Variants in TYMP observed in about 807,000 individuals in gnomAD.
The protein encoded by TYMP is gliostatin.
In TYMP, 46 loss-of-function variants were observed where a neutral mutation model predicts 42.3. The ratio of observed to expected loss-of-function variants is 1.09; its 90% CI spans 0.86 to 1.39. The LOEUF (loss-of-function observed/expected upper bound fraction) is 1.39. TYMP is among the 40% of genes most tolerant of loss of function. The probability of loss-of-function intolerance (pLI) is 0.00; values close to 1 mark genes in which losing one functional copy is unlikely to be tolerated. For synonymous variants in TYMP, 363 were observed against 308.0 expected (o/e 1.18, Z -1.87); for missense variants, 837 against 677.6 (o/e 1.24, Z -2.61).
At chr22:50,528,416 T>C in intron 4 of TYMP, 96 bp downstream of exon 4, 2 of 1,071,764 alleles carry the variant, frequency 1.9e-6, no homozygotes, top group Non-Finnish European at 2.8e-6. Flanking sequence ...GTGTTCTCAT[T>C]AGTGACCCTA....
At chr22:50,526,835 GC>G in intron 6 of TYMP, 97 bp from the exon 7 acceptor site, 4 of 1,307,242 alleles carry the variant, frequency 3.1e-6, no homozygotes, top group South Asian at 1.4e-5. Flanking sequence ...TGGGTTGCCA[GC>G]CCCCCAGCAT....
In TYMP at chr22:50,526,280, G is replaced by A; in HGVS notation, c.1125C>T (p.Ala375=). The A allele has an allele frequency of 1.3e-6, 2 of 1,546,490 alleles. No individual in the cohort carries two copies. The highest frequency in any genetic ancestry group is 1.7e-6 in the Non-Finnish European group (2 of 1,156,776). The part of the protein sequence containing the change: ...PAERRQLLPR[A]REQEELLAPA... ...GCGCCAGCAGCTCCTCCTGCTCCCG[G>A]GCGCGAGGCAGCAGCTGCCGGCGTT... The change falls in exon 8 of 10, where the codon GCC becomes GCT. Residue 375 remains alanine (A), a synonymous_variant. Transcript: ENST00000252029.
rs755728248 is a variant in TYMP, at chr22:50,527,200, TG to T, written c.729del (p.Asn244ThrfsTer19). Reference sequence around the variant, plus strand: ...GCCAGCTCCCGGGCCTGCTCCTGGTTGGGGAAGACGGCGGCCCCTCCGAACT... The same window carrying T: ...GCCAGCTCCCGGGCCTGCTCCTGGTTGGGAAGACGGCGGCCCCTCCGAACT... ...DVKFGGAAVF[P>X]NQEQARELAK... On this transcript the variant is annotated frameshift_variant, in exon 6 of 10. Coordinates refer to ENST00000252029, the MANE Select transcript of TYMP (RefSeq NM_001953.5). LOFTEE classifies it high-confidence loss of function. 2.5e-6 allele frequency: 4 copies of T among 1,613,426 alleles called. No individual in the cohort carries two copies. In the Admixed American group the frequency reaches 6.7e-5, roughly 27 times the overall value.
At position 50,526,510 on chromosome 22, in the gene TYMP, G is replaced by T. The variant is rs1210318334; in HGVS notation, c.929-34C>A. ...GGGGACGGGTCTTAGGCGCGGCCGG[G>T]TCGGGGCGGCCCCAGCGGGAAGCAC... On this transcript the variant is annotated intron_variant, in intron 7 of 9. Coordinates refer to ENST00000252029, the MANE Select transcript of TYMP (RefSeq NM_001953.5). 6 of 1,528,242 alleles carry T rather than the reference G, an allele frequency of 3.9e-6. No homozygotes were observed. In the African/African-American group the frequency reaches 7.0e-5, roughly 18 times the overall value. The allele number at this position is 1,528,242 out of a possible 1,614,324, so 94.7% of individuals were successfully genotyped here.
At position 50,529,122 on chromosome 22, in the gene TYMP, A is replaced by T. The variant is rs758269488; in HGVS notation, c.417+14T>A. 2.5e-6 allele frequency: 4 copies of T among 1,612,728 alleles called. 1 individual carries two copies. In the South Asian group the frequency reaches 4.4e-5, roughly 18 times the overall value. ...CGGTATAGGCTCCCGTCTGGAAAGG[A>T]GGTGGTTTCTAACCTTGCAGCCACA... On this transcript the variant is annotated intron_variant, in intron 3 of 9. Coordinates refer to ENST00000252029, the MANE Select transcript of TYMP (RefSeq NM_001953.5).
chr22:50,527,761 T>G (rs1463721887), intron 4 of TYMP, 44 bp from the exon 5 acceptor site: 3 of 1,543,218 alleles, frequency 1.9e-6, no homozygotes, highest in Non-Finnish European at 2.6e-6. Flanking sequence ...GGTAAATGAC[T>G]TAGCAGCTTT....
chr22:50,527,459 G>T (rs762917523), intron 5 of TYMP, 129 bp downstream of exon 5: 1 of 1,459,608 alleles, frequency 6.9e-7, no homozygotes. Flanking sequence ...GTGGTGGTCA[G>T]GCATCTTGTG....
chr22:50,527,532 A>T (rs1326368880), intron 5 of TYMP, 56 bp downstream of exon 5: 1 of 1,613,346 alleles, frequency 6.2e-7, no homozygotes, highest in Non-Finnish European at 8.5e-7. Context: ...CCTTGACTTG[A>T]GTTTGGAGGT....
At position 50,526,011 on chromosome 22, in the gene TYMP, C is replaced by G; in HGVS notation, c.1290G>C (p.Arg430Ser). The change falls in exon 9 of 10, where the codon AGG (arginine) becomes AGC (serine). Residue 430 changes from arginine (R) to serine (S), a missense_variant. Coordinates refer to ENST00000252029, the MANE Select transcript of TYMP (RefSeq NM_001953.5). ...GAELLVDVGQ[R>S]LRRGTPWLRV... is the part of the protein sequence containing the mutation. ...GGGGGCGGCGCTCACCACGGCGCAG[C>G]CTCTGACCCACGTCGACCAGCAGCT... The G allele has an allele frequency of 6.8e-7, 1 of 1,462,934 alleles. No homozygotes were observed. The highest frequency in any genetic ancestry group is 9.0e-7 in the Non-Finnish European group (1 of 1,114,062). The allele number at this position is 1,462,934 out of a possible 1,614,324, so 90.6% of individuals were successfully genotyped here.
At chr22:50,526,772 G>A in intron 6 of TYMP, 34 bp from the exon 7 acceptor site, 1 of 1,529,322 alleles carries the variant, frequency 6.5e-7, no homozygotes, top group South Asian at 1.2e-5. Flanking sequence ...GACCCCCCAT[G>A]GCGGGGCCTT....
At chr22:50,528,726 AGG>A in intron 3 of TYMP, 116 bp from the exon 4 acceptor site, 1 of 809,842 alleles carries the variant, frequency 1.2e-6, no homozygotes. Context: ...AAGCAGCTAT[AGG>A]GGTGCCCAGC....
At chr22:50,526,178 A>G (rs1185943197) in intron 8 of TYMP, 37 bp from the exon 9 acceptor site, 4 of 1,468,124 alleles carry the variant, frequency 2.7e-6, no homozygotes, top group Non-Finnish European at 3.6e-6. Context: ...GGGCTCGGGA[A>G]GGGGCGGGGC....
At chr22:50,528,956 C>T in intron 3 of TYMP, 180 bp downstream of exon 3, 1 of 716,964 alleles carries the variant, frequency 1.4e-6, no homozygotes. Context: ...GCCAGAGGGG[C>T]CCCAAGCGCT....
chr22:50,528,406 G>C, intron 4 of TYMP, 106 bp downstream of exon 4: 3 of 974,948 alleles, frequency 3.1e-6, no homozygotes, highest in South Asian at 2.8e-5. Context: ...ACCTTGACCA[G>C]TGTTCTCATT....
rs781431121 is a variant in TYMP at position 50,525,764 on chromosome 22, G to A, written c.*6C>T. ...AGCACTGACAAGGTTTCGCGGCAAA[G>A]GAGCTTTATTGCTGCGGCGGCAGAA... On this transcript the variant is annotated 3_prime_UTR_variant, in exon 10 of 10. Transcript: ENST00000252029. The A allele has an allele frequency of 3.5e-5, 57 of 1,610,380 alleles. No homozygotes were observed. The highest frequency in any genetic ancestry group is 2.3e-4 in the Admixed American group (14 of 59,850).
intron 4 of TYMP, 145 bp from the exon 5 acceptor site, chr22:50,527,862 G>C (rs1489928320): frequency 1.0e-5 from 10 of 973,732 alleles, no homozygotes; most frequent in Non-Finnish European, 1.5e-5. Flanking sequence ...TGTGACCTCT[G>C]CCTCCTGGGC....
In TYMP at chr22:50,527,588, C is replaced by G; in HGVS notation, c.646G>C (p.Ala216Pro). Residue 216 changes from alanine (A) to proline (P), a missense_variant and splice_region_variant, in exon 5 of 10, where the codon GCC (alanine) becomes CCC (proline). Physicochemically the swap from Ala to Pro is conservative, Grantham distance 27. Coordinates refer to ENST00000252029, the MANE Select transcript of TYMP (RefSeq NM_001953.5). ...GAAGCAGGCCATGGAGTCAGGTCACCTGTGATGAGTGGCAGGCTGTCCACG... is the reference window on the plus strand; with the variant it reads ...GAAGCAGGCCATGGAGTCAGGTCACGTGTGATGAGTGGCAGGCTGTCCACG... The part of the protein sequence containing the change: ...ATVDSLPLIT[A>P]SILSKKLVEG... 6.2e-7 allele frequency: 1 copy of G among 1,613,972 alleles called. No homozygotes were observed. The highest frequency in any genetic ancestry group is 8.5e-7 in the Non-Finnish European group (1 of 1,180,016).
chr22:50,526,267 C>A lies in TYMP; in HGVS notation c.1138G>T (p.Glu380Ter). 6.5e-7 allele frequency: 1 copy of A among 1,540,628 alleles called. No homozygotes were observed. Among genetic ancestry groups the A allele is most frequent in the Non-Finnish European group, 8.7e-7 (1 of 1,153,802 alleles). ...TCACCATCTGCGGGCGCCAGCAGCTCCTCCTGCTCCCGGGCGCGAGGCAGC... is the reference window on the plus strand; with the variant it reads ...TCACCATCTGCGGGCGCCAGCAGCTACTCCTGCTCCCGGGCGCGAGGCAGC... ...QLLPRAREQEELLAPADGTVE... is the reference protein window; with the variant it reads ...QLLPRAREQE The change falls in exon 8 of 10, where the codon GAG (glutamate) becomes TAG (stop). Residue 380 changes from glutamate (E) to a stop codon, truncating the protein, a stop_gained. Coordinates refer to ENST00000252029, the MANE Select transcript of TYMP (RefSeq NM_001953.5). LOFTEE classifies it high-confidence loss of function.
chr22:50,528,459 C>T, intron 4 of TYMP, 53 bp downstream of exon 4: 1 of 1,468,028 alleles, frequency 6.8e-7, no homozygotes, highest in Non-Finnish European at 9.5e-7. Context: ...GTGATTCTGG[C>T]CAGGGTCTCC....
Sources: gnomAD v4.1 joint callset for allele counts on GRCh38, gnomAD v4.1.1 for gene constraint, MANE v1.5 for transcripts, NCBI Gene and HGNC (gene_info 2026-07-23, HGNC 2026-07-21) for gene names.